AUTS2: variants seen among roughly 807,000 people sequenced by gnomAD.
AUTS2 encodes the protein activator of transcription and developmental regulator AUTS2.
In AUTS2, 17 loss-of-function variants were observed where a neutral mutation model predicts 112.4. That is an observed-to-expected ratio of 0.15 (90% CI 0.10 to 0.23). The LOEUF (loss-of-function observed/expected upper bound fraction) is 0.23, where lower values mean the gene tolerates loss of function less well. Among genes scored for constraint, AUTS2 ranks in the 10% least tolerant of loss-of-function variants. The pLI, the probability that AUTS2 is intolerant of heterozygous loss-of-function variation, is 1.00. For missense variants in AUTS2, 1,510 were observed against 1,701.6 expected, an observed-to-expected ratio of 0.89 and a Z score of 1.98; for synonymous variants, 751 against 702.7, an observed-to-expected ratio of 1.07 and a Z score of -1.09.
intron 4 of AUTS2, among the ~76,000 whole-genome samples, chr7:70,330,209 A>G (rs928879195): frequency 6.6e-6 from 1 of 152,246 alleles, no homozygotes; most frequent in Non-Finnish European, 1.5e-5. Flanking sequence ...CAAATCCAAG[A>G]TCATGAAGAT....
At chr7:70,695,783 A>AC (rs1272123014) in intron 5 of AUTS2, among the ~76,000 whole-genome samples, 1 of 152,248 alleles carries the variant, frequency 6.6e-6, no homozygotes, top group African/African-American at 2.4e-5. Flanking sequence ...ATCCAAAAAA[A>AC]CAAAAAAACA....
intron 2 of AUTS2, among the ~76,000 whole-genome samples, chr7:69,998,012 G>A (rs1229386295): frequency 6.6e-6 from 1 of 152,188 alleles, no homozygotes; most frequent in Non-Finnish European, 1.5e-5. Context: ...AGGTTTGGCA[G>A]TGAAACCCTT....
chr7:70,713,364 G>A (rs886347865), intron 6 of AUTS2, among the ~76,000 whole-genome samples: 3 of 152,192 alleles, frequency 2.0e-5, no homozygotes, highest in African/African-American at 7.2e-5. Context: ...GGGCAGAAGT[G>A]TTTTGAAATC....
chr7:70,218,681 G>A (rs998781409), intron 4 of AUTS2, among the ~76,000 whole-genome samples: 5 of 152,254 alleles, frequency 3.3e-5, no homozygotes, highest in South Asian at 4.1e-4. Context: ...CAAAGTGTGC[G>A]ATAATGCTAA....
At chr7:69,707,856 A>G (rs1206875546) in intron 1 of AUTS2, among the ~76,000 whole-genome samples, 1 of 152,234 alleles carries the variant, frequency 6.6e-6, no homozygotes, top group Non-Finnish European at 1.5e-5. Context: ...TGGGCTTTGC[A>G]GAGTAGGTCT....
chr7:69,712,723 T>C (rs1261071074), intron 1 of AUTS2, among the ~76,000 whole-genome samples: 1 of 152,176 alleles, frequency 6.6e-6, no homozygotes, highest in African/African-American at 2.4e-5. Context: ...CTTTTGTTTC[T>C]CTTGGGTGAT....
At chr7:69,942,706 G>T (rs953370144) in intron 2 of AUTS2, among the ~76,000 whole-genome samples, 5 of 152,206 alleles carry the variant, frequency 3.3e-5, no homozygotes, top group African/African-American at 1.2e-4. Flanking sequence ...CATCTTGACA[G>T]TGGCAAGTAT....
intron 5 of AUTS2, among the ~76,000 whole-genome samples, chr7:70,526,148 A>G (rs755362577): frequency 1.1e-4 from 16 of 152,156 alleles, no homozygotes; most frequent in Non-Finnish European, 2.2e-4. Context: ...ATGTCTCTTG[A>G]CATGCTTTTT....
intron 4 of AUTS2, among the ~76,000 whole-genome samples, chr7:70,138,256 A>G (rs964488300): frequency 4.6e-5 from 7 of 152,354 alleles, no homozygotes; most frequent in African/African-American, 1.4e-4. Context: ...ATGCCCTAGC[A>G]TATATGAACA....
intron 5 of AUTS2, among the ~76,000 whole-genome samples, chr7:70,599,632 C>T (rs1803371984): frequency 6.6e-6 from 1 of 152,134 alleles, no homozygotes; most frequent in Non-Finnish European, 1.5e-5. Context: ...TGGAGTTTAG[C>T]CAGTGGCGTA....
At chr7:70,636,075 A>G (rs1231697621) in intron 5 of AUTS2, among the ~76,000 whole-genome samples, 1 of 152,186 alleles carries the variant, frequency 6.6e-6, no homozygotes, top group Non-Finnish European at 1.5e-5. Context: ...TGGGCCTCTT[A>G]TGTCTCCGGC....
intron 5 of AUTS2, among the ~76,000 whole-genome samples, chr7:70,474,232 G>A (rs1005733205): frequency 2.0e-5 from 3 of 152,208 alleles, no homozygotes; most frequent in Admixed American, 1.3e-4. Flanking sequence ...AGGGCAACAC[G>A]TAATTAGGTA....
At chr7:70,266,923 G>A (rs1787455356) in intron 4 of AUTS2, among the ~76,000 whole-genome samples, 1 of 152,206 alleles carries the variant, frequency 6.6e-6, no homozygotes, top group South Asian at 2.1e-4. Context: ...TTGGGCCATG[G>A]CCCATTTGCC....
intron 4 of AUTS2, among the ~76,000 whole-genome samples, chr7:70,433,025 A>G (rs561487856): frequency 2.0e-5 from 3 of 152,286 alleles, no homozygotes; most frequent in Admixed American, 6.5e-5. Context: ...TGCTGCTTCC[A>G]TAATGGATAC....
At chr7:70,318,815 A>G (rs1345014699) in intron 4 of AUTS2, among the ~76,000 whole-genome samples, 1 of 152,166 alleles carries the variant, frequency 6.6e-6, no homozygotes, top group African/African-American at 2.4e-5. Flanking sequence ...TCATTACAAC[A>G]TTTTACTACC....
intron 1 of AUTS2, among the ~76,000 whole-genome samples, chr7:69,818,139 C>T (rs1158338483): frequency 6.6e-6 from 1 of 152,146 alleles, no homozygotes; most frequent in East Asian, 1.9e-4. Context: ...TCCTTTTCTC[C>T]ATTGATGACA....
intron 14 of AUTS2, among the ~76,000 whole-genome samples, chr7:70,777,476 A>G (rs562983443): frequency 2.0e-5 from 3 of 152,106 alleles, no homozygotes; most frequent in Non-Finnish European, 2.9e-5. Context: ...CTTTAGGCAT[A>G]TACCACCATA....
intron 1 of AUTS2, among the ~76,000 whole-genome samples, chr7:69,667,784 C>T (rs1485139129): frequency 2.0e-5 from 3 of 152,158 alleles, no homozygotes; most frequent in African/African-American, 7.2e-5. Context: ...ATTCCCAATC[C>T]AGTAGCGGCA....
chr7:70,420,792 A>G (rs576379588), intron 4 of AUTS2, among the ~76,000 whole-genome samples: 1 of 152,320 alleles, frequency 6.6e-6, no homozygotes, highest in African/African-American at 2.4e-5. Flanking sequence ...GACCTGAGAG[A>G]GGGATAGAAG....
Sources: allele counts gnomAD v4.1 joint callset (sites outside exome capture counted in the v4.1 genomes callset), GRCh38; gene constraint gnomAD v4.1.1; transcripts MANE v1.5; gene names NCBI Gene and HGNC (gene_info 2026-07-23, HGNC 2026-07-21).